The following SYT6 variants were observed in gnomAD, a reference collection of about 807,000 sequenced individuals.
SYT6 encodes synaptotagmin 6.
A neutral mutation model predicts 38.4 loss-of-function variants in SYT6; 24 were observed. The observed-to-expected ratio is 0.62, with a 90% confidence interval of 0.45 to 0.88. SYT6 has a LOEUF of 0.88. Ranked by LOEUF, SYT6 falls within the 40% of genes least tolerant of loss-of-function variation. SYT6 has a pLI of 0.00. For missense variants in SYT6, 611 were observed against 621.0 expected (o/e 0.98, Z 0.17); for synonymous variants, 265 against 241.9 (o/e 1.10, Z -0.89).
In SYT6 at chr1:114,091,874, C is replaced by T; in HGVS notation, c.*260G>A. 1.3e-6 allele frequency: 1 copy of T among 754,984 alleles called. No individual in the cohort carries two copies. The highest frequency in any genetic ancestry group is 2.7e-5 in the East Asian group (1 of 36,410). 46.8% of individuals were successfully genotyped at this position (754,984 alleles called of 1,614,324 possible). On this transcript the variant is annotated 3_prime_UTR_variant, in exon 8 of 8. Coordinates refer to ENST00000610222, the MANE Select transcript of SYT6 (RefSeq NM_001253772.2). ...ACAAGTGTCTCAGCTTTGACCTACA[C>T]AGGAGCAGGTAAGACTCTGGAGTGA...
chr1:114,105,758 G>A (rs1345263816), intron 3 of SYT6, among the ~76,000 whole-genome samples: 1 of 152,156 alleles, frequency 6.6e-6, no homozygotes, highest in Non-Finnish European at 1.5e-5. Flanking sequence ...TTGGACTCGT[G>A]ACTCTCGAGA....
At chr1:114,128,924 T>G (rs1227163794) in intron 3 of SYT6, among the ~76,000 whole-genome samples, 1 of 152,190 alleles carries the variant, frequency 6.6e-6, no homozygotes, top group Non-Finnish European at 1.5e-5. Context: ...ACCATTTATA[T>G]GCCGACATCT....
At chr1:114,145,502 G>GTTTTTTTTTTTTTTTTTTTTTT (rs752982644) in intron 1 of SYT6, among the ~76,000 whole-genome samples, 3 of 111,626 alleles carry the variant, frequency 2.7e-5, no homozygotes, top group African/African-American at 7.4e-5. Flanking sequence ...GAGGTATTAA[G>GTTTTTTTTTTTTTTTTTTTTTT]TTTTTTTTTT....
intron 3 of SYT6, among the ~76,000 whole-genome samples, chr1:114,120,010 G>A (rs919164061): frequency 6.6e-6 from 1 of 150,782 alleles, no homozygotes; most frequent in African/African-American, 2.4e-5. Flanking sequence ...GGCGGAACTT[G>A]CAGTGAGCCG....
intron 3 of SYT6, among the ~76,000 whole-genome samples, chr1:114,137,140 T>C (rs1043065057): frequency 3.9e-5 from 6 of 152,254 alleles, no homozygotes; most frequent in African/African-American, 7.2e-5. Context: ...GACTGTTTGC[T>C]GCTGCAGCAT....
At chr1:114,124,556 A>G (rs545881087) in intron 3 of SYT6, among the ~76,000 whole-genome samples, 1 of 152,306 alleles carries the variant, frequency 6.6e-6, no homozygotes, top group East Asian at 1.9e-4. Flanking sequence ...TTTCCATCAC[A>G]ACAGACCTTC....
chr1:114,128,668 C>T (rs762633656), intron 3 of SYT6, among the ~76,000 whole-genome samples: 2 of 152,324 alleles, frequency 1.3e-5, no homozygotes, highest in South Asian at 2.1e-4. Flanking sequence ...CTGCATCTTA[C>T]TTGATTGGTC....
At chr1:114,092,311 A>ACTCT (rs35257020) in intron 7 of SYT6, among the ~76,000 whole-genome samples, 1,445 of 133,402 alleles carry the variant, frequency 0.011, 19 homozygotes, top group African/African-American at 0.035. Context: ...AGCTTTCTTA[A>ACTCT]CTCTCTCTCT....
chr1:114,103,824 T>G, intron 3 of SYT6, 103 bp from the exon 4 acceptor site: 2 of 1,426,948 alleles, frequency 1.4e-6, no homozygotes, highest in African/African-American at 1.4e-5. Context: ...GAGGAGGCTC[T>G]TGGAGACACT....
Position 114,139,827 on chromosome 1 carries a change from A to T in SYT6, c.300T>A (p.Asn100Lys), listed in dbSNP as rs1678755386. ...NKEASSPSSA[N>K]PPLEALQSPS... is the part of the protein sequence containing the mutation. Reference sequence around the variant, plus strand: ...GGCTCTGGAGGGCTTCCAAGGGGGGATTAGCAGAAGAGGGACTGGAGGCCT... The same window carrying T: ...GGCTCTGGAGGGCTTCCAAGGGGGGTTTAGCAGAAGAGGGACTGGAGGCCT... The change falls in exon 2 of 8, where the codon AAT becomes AAA. Residue 100 changes from asparagine (N) to lysine (K), a missense_variant. Physicochemically the swap from Asn to Lys is moderately conservative, Grantham distance 94. Transcript: ENST00000610222. 1.2e-6 allele frequency: 2 copies of T among 1,601,076 alleles called. No individual in the cohort carries two copies. The highest frequency in any genetic ancestry group is 4.5e-5 in the East Asian group (2 of 44,724).
chr1:114,132,686 A>C (rs975274327), intron 3 of SYT6, among the ~76,000 whole-genome samples: 1 of 152,244 alleles, frequency 6.6e-6, no homozygotes, highest in African/African-American at 2.4e-5. Flanking sequence ...CCTGGACTGA[A>C]GGGGAAGGTC....
intron 3 of SYT6, among the ~76,000 whole-genome samples, chr1:114,112,481 G>T (rs914947737): frequency 6.6e-6 from 1 of 152,230 alleles, no homozygotes; most frequent in Non-Finnish European, 1.5e-5. Flanking sequence ...GCAAATATCC[G>T]TGAGTCAGAA....
chr1:114,152,652 C>T (rs989038631), intron 1 of SYT6: 14 of 152,524 alleles, frequency 9.2e-5, no homozygotes, highest in African/African-American at 3.1e-4. Context: ...CGCCGACCCT[C>T]CCGCAGCTCC....
At chr1:114,110,456 G>A (rs1430591629) in intron 3 of SYT6, among the ~76,000 whole-genome samples, 2 of 152,172 alleles carry the variant, frequency 1.3e-5, no homozygotes, top group South Asian at 4.1e-4. Context: ...GCCAAGAATG[G>A]AAGGAGAGCT....
chr1:114,140,746 A>G (rs1250360569), intron 1 of SYT6, among the ~76,000 whole-genome samples: 1 of 152,192 alleles, frequency 6.6e-6, no homozygotes, highest in East Asian at 1.9e-4. Context: ...TTTTTTACAA[A>G]TTGAAGATTT....
At chr1:114,152,740 C>G (rs896074106) in intron 1 of SYT6, 1 of 152,170 alleles carries the variant, frequency 6.6e-6, no homozygotes, top group African/African-American at 2.4e-5. Context: ...GGGTCCAGCC[C>G]GGCGGGGATC....
At chr1:114,138,438 A>T in intron 2 of SYT6, among the ~76,000 whole-genome samples, 1 of 152,240 alleles carries the variant, frequency 6.6e-6, no homozygotes, top group South Asian at 2.1e-4. Flanking sequence ...CTTATCCTCA[A>T]TGTGGCACCC....
At chr1:114,129,776 C>T (rs1678029177) in intron 3 of SYT6, among the ~76,000 whole-genome samples, 1 of 151,198 alleles carries the variant, frequency 6.6e-6, no homozygotes, top group Non-Finnish European at 1.5e-5. Flanking sequence ...CTCCCAGGCT[C>T]AAGCGATTGT....
rs1675202569 is a variant in SYT6, at chr1:114,089,872, C to A, written c.*2262G>T. The A allele has an allele frequency of 1.3e-5, 2 of 152,494 alleles. No individual in the cohort carries two copies. Among genetic ancestry groups the A allele is most frequent in the Admixed American group, 6.5e-5 (1 of 15,298 alleles). 9.4% of individuals were successfully genotyped at this position (152,494 alleles called of 1,614,324 possible). A position where few individuals can be genotyped will look rare whatever the true frequency, so the allele number is the denominator to read the frequency against. ...TTCAGGACATGATTTTCTGAAACCACTGGGATGTTCACTCATGGGAGATAG... is the reference window on the plus strand; with the variant it reads ...TTCAGGACATGATTTTCTGAAACCAATGGGATGTTCACTCATGGGAGATAG... On this transcript the variant is annotated 3_prime_UTR_variant, in exon 8 of 8. Coordinates refer to ENST00000610222, the MANE Select transcript of SYT6 (RefSeq NM_001253772.2).
Sources: allele counts gnomAD v4.1 joint callset (sites outside exome capture counted in the v4.1 genomes callset), GRCh38; gene constraint gnomAD v4.1.1; transcripts MANE v1.5; gene names NCBI Gene and HGNC (gene_info 2026-07-23, HGNC 2026-07-21).